The following PCDHA1 variants were observed in gnomAD, a reference collection of about 807,000 sequenced individuals.
PCDHA1 encodes protocadherin alpha 1, also known as protocadherin alpha-1.
PCDHA1 carries 42 observed loss-of-function variants against 61.3 expected under a neutral mutation model. That is an observed-to-expected ratio of 0.69 (90% CI 0.54 to 0.89). PCDHA1 has a LOEUF of 0.89. Among genes scored for constraint, PCDHA1 ranks in the 40% least tolerant of loss-of-function variants. PCDHA1 has a pLI of 0.00. For missense variants in PCDHA1, 1,256 were observed against 1,235.3 expected (o/e 1.02, Z -0.25); for synonymous variants, 610 against 553.8 (o/e 1.10, Z -1.43).
intron 1 of PCDHA1, among the ~76,000 whole-genome samples, chr5:140,892,835 A>G (rs2063695508): frequency 6.6e-6 from 1 of 152,200 alleles, no homozygotes. Context: ...ACAGTGCTGC[A>G]AAACACCACA....
intron 1 of PCDHA1, chr5:140,805,072 A>G (rs1554123231): frequency 6.3e-7 from 1 of 1,593,546 alleles, no homozygotes; most frequent in Admixed American, 1.7e-5. Flanking sequence ...ATGGAACTTC[A>G]ATCTTCAAAT....
chr5:140,787,054 C>T lies in PCDHA1; in HGVS notation c.764C>T (p.Thr255Ile), dbSNP rs1554117650. 1.9e-6 allele frequency: 3 copies of T among 1,614,168 alleles called. No individual in the cohort carries two copies. The highest frequency in any genetic ancestry group is 2.5e-6 in the Non-Finnish European group (3 of 1,180,006). Residue 255 changes from threonine to isoleucine, a missense_variant, in exon 1 of 4, where the codon ACA becomes ATA. By Grantham distance (89) the Thr-to-Ile change is moderately conservative. Transcript: ENST00000504120. ...AVYRVHLLET[T>I]ANGTLVTTLN... Reference sequence around the variant, plus strand: ...TACAGAGTCCACTTGTTAGAGACTACAGCAAATGGAACATTAGTGACCACA... The same window carrying T: ...TACAGAGTCCACTTGTTAGAGACTATAGCAAATGGAACATTAGTGACCACA...
intron 1 of PCDHA1, chr5:140,824,079 C>G (rs149846106): frequency 6.2e-6 from 10 of 1,614,220 alleles, no homozygotes; most frequent in Non-Finnish European, 8.5e-6. Context: ...AAACAGACCT[C>G]ATGGCCTTCA....
intron 1 of PCDHA1, chr5:140,843,668 G>C: frequency 6.3e-7 from 1 of 1,593,338 alleles, no homozygotes; most frequent in South Asian, 1.1e-5. Flanking sequence ...TCTGGGATCA[G>C]TTGATGTAGG....
chr5:140,926,905 G>A (rs1228610236), intron 1 of PCDHA1: 1 of 1,558,988 alleles, frequency 6.4e-7, no homozygotes, highest in Admixed American at 1.8e-5. Flanking sequence ...GGTGGGCTGT[G>A]GGGTGGCAGT....
intron 1 of PCDHA1, chr5:140,869,606 T>C: frequency 2.5e-6 from 4 of 1,614,026 alleles, no homozygotes; most frequent in Non-Finnish European, 3.4e-6. Flanking sequence ...AATGCTCTAT[T>C]GACCTACAGG....
chr5:140,793,492 A>G (rs1761783241), intron 1 of PCDHA1, among the ~76,000 whole-genome samples: 1 of 152,270 alleles, frequency 6.6e-6, no homozygotes. Context: ...TTGGAAAAAA[A>G]GCTAGCTTTT....
intron 1 of PCDHA1, chr5:140,813,173 T>C (rs1377000127): frequency 6.6e-6 from 1 of 152,212 alleles, no homozygotes; most frequent in Non-Finnish European, 1.5e-5. Flanking sequence ...ATAGTGTTGT[T>C]CAAGTCCTCT....
chr5:140,854,873 T>C (rs575703507), intron 1 of PCDHA1, among the ~76,000 whole-genome samples: 7 of 150,078 alleles, frequency 4.7e-5, no homozygotes, highest in African/African-American at 1.7e-4. Flanking sequence ...TTCAGAACTG[T>C]GTCTTTTGGG....
chr5:140,816,793 C>A (rs531734742), intron 1 of PCDHA1: 1 of 147,620 alleles, frequency 6.8e-6, no homozygotes, highest in African/African-American at 2.5e-5. Context: ...GATCTGCCAG[C>A]TTTTTTTTTT....
intron 1 of PCDHA1, among the ~76,000 whole-genome samples, chr5:140,799,328 G>A (rs1392687463): frequency 1.3e-5 from 2 of 152,002 alleles, no homozygotes; most frequent in Non-Finnish European, 2.9e-5. Flanking sequence ...GTACTGAAAA[G>A]TGCAGTATTA....
intron 1 of PCDHA1, among the ~76,000 whole-genome samples, chr5:140,793,705 A>T (rs1761799659): frequency 6.6e-6 from 1 of 151,948 alleles, no homozygotes; most frequent in South Asian, 2.1e-4. Flanking sequence ...TTCTATTTTC[A>T]TTTTTTTACT....
chr5:140,981,350 G>T (rs2096928266), intron 2 of PCDHA1, among the ~76,000 whole-genome samples: 1 of 152,168 alleles, frequency 6.6e-6, no homozygotes. Flanking sequence ...GAGGCAGGTG[G>T]ATCACTTGAG....
In PCDHA1 at chr5:140,877,646, C is replaced by T. The variant is rs782472866; in HGVS notation, c.2394+88962C>T. 7 of 1,613,560 alleles carry T rather than the reference C, an allele frequency of 4.3e-6. No individual in the cohort carries two copies. The Admixed American group carries it at 6.7e-5, about 15-fold the overall frequency. On this transcript the variant is annotated intron_variant, in intron 1 of 3. Coordinates refer to ENST00000504120, the MANE Select transcript of PCDHA1 (RefSeq NM_018900.4). ...CTGTACACTGCGCTGCGTTGCTCAG[C>T]GCCGCCCACCGTGAGCCGGTGCGCG...
intron 1 of PCDHA1, chr5:140,870,020 C>CT (rs2051592109): frequency 6.2e-7 from 1 of 1,613,394 alleles, no homozygotes; most frequent in Admixed American, 1.7e-5. Context: ...GTCAATGGAA[C>CT]TTTAGATTAT....
chr5:140,823,235 C>T (rs2150123830), intron 1 of PCDHA1: 4 of 1,613,550 alleles, frequency 2.5e-6, no homozygotes, highest in African/African-American at 1.3e-5. Context: ...CAGGAGAACG[C>T]CCTGGTGTCC....
chr5:140,877,366 A>G (rs1358364554), intron 1 of PCDHA1: 1 of 1,613,868 alleles, frequency 6.2e-7, no homozygotes, highest in Non-Finnish European at 8.5e-7. Context: ...TGGCGAGATC[A>G]GCACGACACG....
chr5:140,915,049 G>A (rs141616466), intron 1 of PCDHA1, among the ~76,000 whole-genome samples: 6,100 of 150,756 alleles, frequency 0.04, 138 homozygotes, highest in Non-Finnish European at 0.052. Flanking sequence ...GGGTTCAAGC[G>A]ATTCTCCTGC....
intron 1 of PCDHA1, among the ~76,000 whole-genome samples, chr5:140,917,163 G>A (rs948639951): frequency 6.6e-6 from 1 of 152,182 alleles, no homozygotes; most frequent in Admixed American, 6.5e-5. Flanking sequence ...ATATGGGAGG[G>A]GTGATGGTGG....
Sources: allele counts gnomAD v4.1 joint callset (sites outside exome capture counted in the v4.1 genomes callset), GRCh38; gene constraint gnomAD v4.1.1; transcripts MANE v1.5; gene names NCBI Gene and HGNC (gene_info 2026-07-23, HGNC 2026-07-21).